ZNF492: variants seen among roughly 807,000 people sequenced by gnomAD.
ZNF492 encodes the protein zinc finger protein 492.
A neutral mutation model predicts 6.4 loss-of-function variants in ZNF492; 3 were observed. That is an observed-to-expected ratio of 0.47 (90% CI 0.21 to 1.22). The LOEUF is 1.22. Ranked by LOEUF, ZNF492 falls within the 50% of genes most tolerant of loss-of-function variation. The pLI, the probability that ZNF492 is intolerant of heterozygous loss-of-function variation, is 0.22. For synonymous variants in ZNF492, 112 were observed against 205.3 expected (o/e 0.55, Z 3.89); for missense variants, 356 against 612.5 (o/e 0.58, Z 4.42).
At chr19:22,654,618 T>C (rs79489834) in intron 3 of ZNF492, among the ~76,000 whole-genome samples, 1 of 151,418 alleles carries the variant, frequency 6.6e-6, no homozygotes, top group East Asian at 2.0e-4. Context: ...TTTTTTTTTT[T>C]TGAGATAGAG....
chr19:22,661,945 C>T (rs1018670745), intron 3 of ZNF492, among the ~76,000 whole-genome samples: 20 of 152,126 alleles, frequency 1.3e-4, no homozygotes, highest in African/African-American at 4.8e-4. Context: ...TGTAGTACCA[C>T]AGTCTTTCTG....
Position 22,653,315 on chromosome 19 carries a change from G to C in ZNF492, c.-85G>C. 2 of 1,612,712 alleles carry C rather than the reference G, an allele frequency of 1.2e-6. No individual in the cohort carries two copies. The highest frequency in any genetic ancestry group is 1.7e-5 in the Admixed American group (1 of 59,644). On this transcript the variant is annotated 5_prime_UTR_variant, in exon 2 of 4. Coordinates refer to ENST00000456783, the MANE Select transcript of ZNF492 (RefSeq NM_020855.3). Reference sequence around the variant, plus strand: ...GTTTGTATGTTTTTCAGGGAGTGTTGACATTTAGGGATGTGGCCATAGAAT... The same window carrying C: ...GTTTGTATGTTTTTCAGGGAGTGTTCACATTTAGGGATGTGGCCATAGAAT...
At chr19:22,640,789 T>G (rs375293957) in intron 1 of ZNF492, among the ~76,000 whole-genome samples, 1 of 152,166 alleles carries the variant, frequency 6.6e-6, no homozygotes, top group East Asian at 1.9e-4. Flanking sequence ...ACTAATTCAG[T>G]TTTCAAGCTT....
At chr19:22,644,901 CT>C (rs575825402) in intron 1 of ZNF492, among the ~76,000 whole-genome samples, 77 of 152,166 alleles carry the variant, frequency 5.1e-4, no homozygotes, top group Non-Finnish European at 9.4e-4. Flanking sequence ...TTGTTTCTGA[CT>C]TTTTAATAAT....
chr19:22,655,367 T>C (rs1971984133), intron 3 of ZNF492, among the ~76,000 whole-genome samples: 1 of 152,044 alleles, frequency 6.6e-6, no homozygotes, highest in Admixed American at 6.5e-5. Context: ...TCCAATTTTT[T>C]TTTATTGATG....
At chr19:22,657,452 C>T (rs1972007328) in intron 3 of ZNF492, among the ~76,000 whole-genome samples, 3 of 151,994 alleles carry the variant, frequency 2.0e-5, no homozygotes, top group Admixed American at 2.0e-4. Flanking sequence ...GCTTATTTAT[C>T]AGTTTGTCAT....
At chr19:22,649,005 TTGA>T (rs1971912709) in intron 1 of ZNF492, among the ~76,000 whole-genome samples, 1 of 152,206 alleles carries the variant, frequency 6.6e-6, no homozygotes, top group African/African-American at 2.4e-5. Flanking sequence ...TGCACACTAG[TTGA>T]TGCTGTTTCT....
intron 1 of ZNF492, among the ~76,000 whole-genome samples, chr19:22,645,948 G>A (rs867443390): frequency 4.6e-5 from 7 of 152,156 alleles, no homozygotes; most frequent in Non-Finnish European, 8.8e-5. Context: ...TTGAAGTCAG[G>A]TAGTGTGATG....
At chr19:22,639,397 GAA>G (rs561499728) in intron 1 of ZNF492, among the ~76,000 whole-genome samples, 9 of 151,940 alleles carry the variant, frequency 5.9e-5, no homozygotes, top group Middle Eastern at 3.2e-3. Flanking sequence ...AAATTTTACT[GAA>G]GTTTTTTGTC....
intron 3 of ZNF492, among the ~76,000 whole-genome samples, chr19:22,662,730 T>G (rs976954555): frequency 6.6e-6 from 1 of 151,780 alleles, no homozygotes; most frequent in Non-Finnish European, 1.5e-5. Flanking sequence ...CATAAATGTC[T>G]TCTTTTGAGA....
In ZNF492 at chr19:22,653,289, T is replaced by C. The variant is rs4630692; in HGVS notation, c.-93-18T>C. 20,516 of 1,609,548 alleles carry C rather than the reference T, an allele frequency of 0.013. 2,188 individuals carry two copies. In the African/African-American group the frequency reaches 0.23, roughly 18 times the overall value. ...TGGCCACTTGGTAAATATGTATGTG[T>C]GTTTGTATGTTTTTCAGGGAGTGTT... On this transcript the variant is annotated intron_variant, in intron 1 of 3. Transcript: ENST00000456783.
chr19:22,639,043 T>G (rs1971797244), intron 1 of ZNF492, among the ~76,000 whole-genome samples: 1 of 152,050 alleles, frequency 6.6e-6, no homozygotes, highest in African/African-American at 2.4e-5. Flanking sequence ...GGTTTCACCG[T>G]GTTGGCCAGG....
chr19:22,663,718 G>A (rs918381786), intron 3 of ZNF492, 82 bp from the exon 4 acceptor site: 1 of 1,311,054 alleles, frequency 7.6e-7, no homozygotes, highest in Non-Finnish European at 1.0e-6. Flanking sequence ...GATGTAGTTT[G>A]TATAATTTTA....
chr19:22,639,874 A>G (rs1210695020), intron 1 of ZNF492, among the ~76,000 whole-genome samples: 1 of 150,990 alleles, frequency 6.6e-6, no homozygotes, highest in Non-Finnish European at 1.5e-5. Flanking sequence ...TCTAGCCAGG[A>G]CTTCCAATTT....
Position 22,663,835 on chromosome 19 carries a change from A to G in ZNF492, c.166A>G (p.Lys56Glu). The change falls in exon 4 of 4, where the codon AAG (lysine) becomes GAG (glutamate). Residue 56 changes from lysine to glutamate, a missense_variant. Coordinates refer to ENST00000456783, the MANE Select transcript of ZNF492 (RefSeq NM_020855.3). ...CSYFARDLWP[K>E]QGKKNYFQKV... ...TTATTTTGCCCGAGACCTTTGGCCA[A>G]AGCAGGGCAAAAAAAATTATTTCCA... 6.5e-7 allele frequency: 1 copy of G among 1,548,692 alleles called. No individual in the cohort carries two copies. Among genetic ancestry groups the G allele is most frequent in the South Asian group, 1.3e-5 (1 of 78,934 alleles).
intron 3 of ZNF492, among the ~76,000 whole-genome samples, chr19:22,656,782 A>G (rs972647220): frequency 6.6e-6 from 1 of 152,100 alleles, no homozygotes; most frequent in African/African-American, 2.4e-5. Flanking sequence ...CTGCCTTCTG[A>G]AGAGAATATT....
intron 1 of ZNF492, among the ~76,000 whole-genome samples, chr19:22,646,013 TG>T (rs1453894077): frequency 6.6e-6 from 1 of 152,232 alleles, no homozygotes; most frequent in African/African-American, 2.4e-5. Context: ...GGCTCTTTTT[TG>T]GTTCCATATG....
chr19:22,649,275 G>C (rs1386853063), intron 1 of ZNF492, among the ~76,000 whole-genome samples: 3 of 152,152 alleles, frequency 2.0e-5, no homozygotes, highest in Non-Finnish European at 2.9e-5. Context: ...CATCTGGTTT[G>C]TAGGATTTCT....
At chr19:22,658,116 A>T (rs576492740) in intron 3 of ZNF492, among the ~76,000 whole-genome samples, 2 of 152,230 alleles carry the variant, frequency 1.3e-5, no homozygotes, top group African/African-American at 4.8e-5. Flanking sequence ...TACCACCTTA[A>T]ATCTATTTAA....
Sources: gnomAD v4.1 joint callset for allele counts (sites outside exome capture counted in the v4.1 genomes callset) on GRCh38, gnomAD v4.1.1 for gene constraint, MANE v1.5 for transcripts, NCBI Gene and HGNC (gene_info 2026-07-23, HGNC 2026-07-21) for gene names.